CCDC3: variants seen among roughly 807,000 people sequenced by gnomAD.
CCDC3 encodes coiled-coil domain containing 3.
In CCDC3, 24 loss-of-function variants were observed where a neutral mutation model predicts 21.4. That is an observed-to-expected ratio of 1.12 (90% CI 0.81 to 1.58). The LOEUF (loss-of-function observed/expected upper bound fraction) is 1.58, where lower values mean the gene tolerates loss of function less well. Among genes scored for constraint, CCDC3 ranks in the 40% most tolerant of loss-of-function variants. The probability of loss-of-function intolerance (pLI) is 0.00; values close to 1 mark genes in which losing one functional copy is unlikely to be tolerated. For synonymous variants in CCDC3, 186 were observed against 166.0 expected (o/e 1.12, Z -0.93); for missense variants, 425 against 360.9 (o/e 1.18, Z -1.44).
intron 5 of CCDC3, among the ~76,000 whole-genome samples, chr10:13,025,424 AG>A (rs1344054731): frequency 1.3e-5 from 2 of 152,204 alleles, no homozygotes; most frequent in Non-Finnish European, 2.9e-5. Flanking sequence ...TTAACATATG[AG>A]GGGGCTCATA....
At position 12,993,553 on chromosome 10, in the gene CCDC3, G is replaced by A. The variant is rs137897634; in HGVS notation, c.549+4785C>T. On this transcript the variant is annotated intron_variant, in intron 2 of 2. Transcript: ENST00000378825. The stretch of plus-strand genomic sequence containing the variant: ...GGTCTTGGTCCTAGGGGACAGTAAC[G>A]GCAGAGAGGGAAAAATATCCAAATT... 5.9e-5 allele frequency among the ~76,000 whole-genome samples: 9 copies of A among 152,274 alleles called. No individual in the cohort carries two copies. The East Asian group carries it at 1.2e-3, about 20-fold the overall frequency.
intron 4 of CCDC3, among the ~76,000 whole-genome samples, chr10:13,055,660 G>A (rs1836672823): frequency 1.4e-5 from 2 of 146,268 alleles, no homozygotes; most frequent in African/African-American, 2.8e-5. Flanking sequence ...AGAAATTGTT[G>A]GTGGCTAGCT....
intron 2 of CCDC3, among the ~76,000 whole-genome samples, chr10:12,968,633 G>A (rs865875606): frequency 6.6e-6 from 1 of 152,192 alleles, no homozygotes; most frequent in Admixed American, 6.5e-5. Context: ...TCTTTAGTAT[G>A]AAGGTTAAAA....
At chr10:13,017,774 A>T (rs967462129) in intron 5 of CCDC3, among the ~76,000 whole-genome samples, 15 of 152,142 alleles carry the variant, frequency 9.9e-5, no homozygotes, top group Admixed American at 9.2e-4. Context: ...TGAATGAAAC[A>T]GACTCTATCC....
At chr10:12,899,587 T>C (rs1391065241) in intron 2 of CCDC3, among the ~76,000 whole-genome samples, 1 of 152,224 alleles carries the variant, frequency 6.6e-6, no homozygotes, top group Non-Finnish European at 1.5e-5. Context: ...ATAGTAAATC[T>C]ACACAATGCA....
intron 4 of CCDC3, among the ~76,000 whole-genome samples, chr10:13,056,458 G>T (rs778598792): frequency 1.3e-5 from 2 of 152,196 alleles, no homozygotes; most frequent in African/African-American, 2.4e-5. Context: ...AAGCCCACTC[G>T]TCCGGAACCA....
intron 2 of CCDC3, among the ~76,000 whole-genome samples, chr10:12,912,619 G>A (rs911867540): frequency 6.6e-6 from 1 of 152,018 alleles, no homozygotes; most frequent in Non-Finnish European, 1.5e-5. Flanking sequence ...TTACTTTGAT[G>A]TGTTCCCATT....
chr10:13,060,523 C>T (rs1187525805), intron 4 of CCDC3, among the ~76,000 whole-genome samples: 1 of 152,068 alleles, frequency 6.6e-6, no homozygotes, highest in Non-Finnish European at 1.5e-5. Context: ...TTGTAAACAA[C>T]AGACAGGGTC....
chr10:13,067,539 A>G (rs577272769), intron 4 of CCDC3, among the ~76,000 whole-genome samples: 3 of 152,278 alleles, frequency 2.0e-5, no homozygotes, highest in Non-Finnish European at 4.4e-5. Context: ...GACTTTCTGT[A>G]TGGTGAGTAG....
chr10:13,001,458 T>A lies in CCDC3; in HGVS notation c.113A>T (p.Glu38Val). The A allele has an allele frequency of 6.9e-7, 1 of 1,443,468 alleles. No individual in the cohort carries two copies. The highest frequency in any genetic ancestry group is 9.1e-7 in the Non-Finnish European group (1 of 1,097,858). 89.4% of individuals were successfully genotyped at this position (1,443,468 alleles called of 1,614,324 possible). The stretch of plus-strand genomic sequence containing the variant: ...GGCGTACACGATGGTCTCGGCCAGC[T>A]CGGCGCGGCAGCCCTCGCTCAGGGG... The part of the protein sequence containing the change: ...WRPLSEGCRA[E>V]LAETIVYARV... The change falls in exon 1 of 3, where the codon GAG (glutamate) becomes GTG (valine). Residue 38 changes from glutamate (E) to valine (V), a missense_variant. By Grantham distance (121) the Glu-to-Val change is moderately radical. Coordinates refer to ENST00000378825, the MANE Select transcript of CCDC3 (RefSeq NM_031455.4).
At chr10:12,920,883 C>G (rs1045945995) in intron 2 of CCDC3, among the ~76,000 whole-genome samples, 3 of 152,200 alleles carry the variant, frequency 2.0e-5, no homozygotes, top group Non-Finnish European at 4.4e-5. Flanking sequence ...CCATGGTAGA[C>G]TGACTACCTC....
At chr10:13,003,241 T>C (rs1835880536), upstream of CCDC3, among the ~76,000 whole-genome samples, 1 of 152,256 alleles carries the variant, frequency 6.6e-6, no homozygotes, top group Non-Finnish European at 1.5e-5. Flanking sequence ...TTGTTGACCA[T>C]GGGCCAATCA....
chr10:13,014,740 A>G (rs1256585544), intron 5 of CCDC3, among the ~76,000 whole-genome samples: 1 of 152,086 alleles, frequency 6.6e-6, no homozygotes, highest in African/African-American at 2.4e-5. Flanking sequence ...AAGTTTGAGG[A>G]TATTTCAAAA....
chr10:13,089,257 T>C (rs1031246607), intron 3 of CCDC3, among the ~76,000 whole-genome samples: 3 of 152,202 alleles, frequency 2.0e-5, no homozygotes, highest in African/African-American at 4.8e-5. Flanking sequence ...TGAACACTTA[T>C]GAATATTTGT....
At chr10:12,949,821 C>A (rs1029106429) in intron 2 of CCDC3, among the ~76,000 whole-genome samples, 2 of 152,144 alleles carry the variant, frequency 1.3e-5, no homozygotes, top group Non-Finnish European at 2.9e-5. Flanking sequence ...TCTAAGGAAG[C>A]AAATGGTAAT....
intron 5 of CCDC3, among the ~76,000 whole-genome samples, chr10:13,041,326 T>G (rs963889093): frequency 1.3e-5 from 2 of 152,060 alleles, no homozygotes; most frequent in Non-Finnish European, 2.9e-5. Context: ...AATTCTTATT[T>G]CTGGTATAAC....
At chr10:13,004,766 C>T (rs1320562827), upstream of CCDC3, among the ~76,000 whole-genome samples, 1 of 152,018 alleles carries the variant, frequency 6.6e-6, no homozygotes, top group African/African-American at 2.4e-5. Flanking sequence ...AATGAATACC[C>T]TCTGTTTCTG....
intron 2 of CCDC3, among the ~76,000 whole-genome samples, chr10:12,941,869 G>T (rs1282644884): frequency 6.6e-6 from 1 of 152,174 alleles, no homozygotes; most frequent in Non-Finnish European, 1.5e-5. Flanking sequence ...TTGTAAGAGT[G>T]CCTTCCTCTC....
rs555102366 is a variant in CCDC3, at chr10:13,078,122, T to C, written c.-502-4022A>G. Among the ~76,000 whole-genome samples, 24 of 152,100 alleles carry C rather than the reference T, an allele frequency of 1.6e-4. 1 individual carries two copies. In the South Asian group the frequency reaches 1.9e-3, roughly 12 times the overall value. The stretch of plus-strand genomic sequence containing the variant: ...TACAATCTACCCATCTGACAAAGGG[T>C]TAATATCCAGAATCTACAAAGAACT... On this transcript the variant is annotated intron_variant, in intron 3 of 6. Transcript: ENST00000378839.
Sources: gnomAD v4.1 joint callset for allele counts (sites outside exome capture counted in the v4.1 genomes callset) on GRCh38, gnomAD v4.1.1 for gene constraint, MANE v1.5 for transcripts, NCBI Gene and HGNC (gene_info 2026-07-23, HGNC 2026-07-21) for gene names.